LEO1: variants seen among roughly 807,000 people sequenced by gnomAD.
The protein encoded by LEO1 is LEO1 component of Paf1/RNA polymerase II complex.
In LEO1, 34 loss-of-function variants were observed where a neutral mutation model predicts 80.4. The observed-to-expected ratio is 0.42, with a 90% confidence interval of 0.32 to 0.56. LEO1 has a LOEUF of 0.56. Among genes scored for constraint, LEO1 ranks in the 20% least tolerant of loss-of-function variants. LEO1 has a pLI of 0.10. For synonymous variants in LEO1, 262 were observed against 274.9 expected (o/e 0.95, Z 0.46); for missense variants, 631 against 814.2 (o/e 0.77, Z 2.74).
Position 51,949,960 on chromosome 15 carries a change from C to T in LEO1, c.1646G>A (p.Arg549Lys). 6.2e-7 allele frequency: 1 copy of T among 1,613,804 alleles called. No individual in the cohort carries two copies. Among genetic ancestry groups the T allele is most frequent in the African/African-American group, 1.3e-5 (1 of 75,042 alleles). ...TCTCATTCGGCGCTGCTGAGATTCC[C>T]TACGTATGGAAGCCCTCAAACGTTC... Reference protein sequence around the residue: ...EEERLRASIRRESQQRRMREK... With the variant: ...EEERLRASIRKESQQRRMREK... The change falls in exon 10 of 12, where the codon AGG becomes AAG. Residue 549 changes from arginine to lysine, a missense_variant. Physicochemically the swap from Arg to Lys is conservative, Grantham distance 26. Around this residue, in one of 4 missense-constraint regions of LEO1, gnomAD observed 117 missense variants for 163.5 expected, o/e 0.72. Transcript: ENST00000299601.
intron 10 of LEO1, among the ~76,000 whole-genome samples, chr15:51,948,513 A>T (rs1268475747): frequency 6.6e-6 from 1 of 152,234 alleles, no homozygotes; most frequent in Non-Finnish European, 1.5e-5. Context: ...GACCAAATGC[A>T]GTCACTATAA....
chr15:51,970,641 A>G (rs534241918), intron 1 of LEO1, among the ~76,000 whole-genome samples: 4 of 152,376 alleles, frequency 2.6e-5, no homozygotes, highest in South Asian at 4.1e-4. Flanking sequence ...CCCAGAACAG[A>G]TAAGTACAGA....
chr15:51,942,368 T>C (rs1403923050), intron 11 of LEO1, among the ~76,000 whole-genome samples: 1 of 151,886 alleles, frequency 6.6e-6, no homozygotes, highest in Non-Finnish European at 1.5e-5. Context: ...AGTCAGGCAG[T>C]GTAGGTTTGC....
At chr15:51,968,207 T>C (rs1213336094) in intron 1 of LEO1, among the ~76,000 whole-genome samples, 1 of 151,540 alleles carries the variant, frequency 6.6e-6, no homozygotes, top group African/African-American at 2.4e-5. Flanking sequence ...ATACATAATA[T>C]TGCTAAGTTA....
In LEO1 at chr15:51,962,486, T is replaced by A; in HGVS notation, c.822A>T (p.Ala274=). Residue 274 remains alanine, a synonymous_variant, in exon 3 of 12, where the codon GCA becomes GCT. Transcript: ENST00000299601. ...CTTCATCTTCACTATCACTGCCTCT[T>A]GCAGATTCTATAAGGGTAGAATTAG... ...EEEQDHKSES[A]RGSDSEDEVL... is the part of the protein sequence containing the mutation. The A allele has an allele frequency of 6.2e-7, 1 of 1,608,272 alleles. No homozygotes were observed. The highest frequency in any genetic ancestry group is 2.2e-5 in the East Asian group (1 of 44,842).
intron 1 of LEO1, among the ~76,000 whole-genome samples, chr15:51,967,320 A>G (rs2057085903): frequency 2.0e-5 from 3 of 152,142 alleles, no homozygotes. Context: ...TAAAAATACA[A>G]AAGTTAGCCA....
intron 6 of LEO1, 31 bp from the exon 7 acceptor site, chr15:51,954,606 T>C (rs749690822): frequency 6.9e-7 from 1 of 1,449,268 alleles, no homozygotes; most frequent in Non-Finnish European, 9.7e-7. Flanking sequence ...TTTAGAAAAT[T>C]ATAGTTTAAA....
rs759205191 is a variant in LEO1, at chr15:51,954,505, C to T, written c.1316G>A (p.Arg439Gln). The T allele has an allele frequency of 1.9e-5, 31 of 1,613,262 alleles. No individual in the cohort carries two copies. The highest frequency in any genetic ancestry group is 3.3e-5 in the South Asian group (3 of 91,064). Residue 439 changes from arginine (R) to glutamine (Q), a missense_variant, in exon 7 of 12, where the codon CGG becomes CAG. Around this residue, in one of 4 missense-constraint regions of LEO1, gnomAD observed 95 missense variants for 171.7 expected, o/e 0.55. Coordinates refer to ENST00000299601, the MANE Select transcript of LEO1 (RefSeq NM_138792.4). Reference sequence around the variant, plus strand: ...CCTTCCATCTGACCACTTGACTATCCGAGCATTGCTTTCTTTAATTTCATT... The same window carrying T: ...CCTTCCATCTGACCACTTGACTATCTGAGCATTGCTTTCTTTAATTTCATT... ...EGNEIKESNA[R>Q]IVKWSDGSMS...
At chr15:51,960,226 A>T (rs991228858) in intron 4 of LEO1, among the ~76,000 whole-genome samples, 182 bp from the exon 5 acceptor site, 2 of 152,202 alleles carry the variant, frequency 1.3e-5, no homozygotes, top group African/African-American at 2.4e-5. Flanking sequence ...CAATTTGGAT[A>T]CCTCAGTACA....
At chr15:51,940,254 C>CAA (rs745641318) in intron 11 of LEO1, among the ~76,000 whole-genome samples, 99 of 37,910 alleles carry the variant, frequency 2.6e-3, no homozygotes, top group Non-Finnish European at 3.5e-3. Context: ...GACTCCGTAT[C>CAA]AAAAAAAAAA....
At chr15:51,953,465 A>T (rs1350770513) in intron 7 of LEO1, among the ~76,000 whole-genome samples, 3 of 152,098 alleles carry the variant, frequency 2.0e-5, no homozygotes, top group African/African-American at 7.2e-5. Flanking sequence ...TGGTAAAAAT[A>T]CAAAAATCAG....
intron 11 of LEO1, among the ~76,000 whole-genome samples, chr15:51,945,227 G>A (rs1367104293): frequency 1.5e-5 from 2 of 132,614 alleles, no homozygotes; most frequent in Non-Finnish European, 3.1e-5. Flanking sequence ...GACCAGCCTG[G>A]GCAACATGCT....
At chr15:51,940,798 TAATAA>T (rs1230337529) in intron 11 of LEO1, among the ~76,000 whole-genome samples, 2 of 151,804 alleles carry the variant, frequency 1.3e-5, no homozygotes, top group African/African-American at 2.4e-5. Context: ...AAAAAATTTT[TAATAA>T]AATAAATAAT....
At chr15:51,961,070 T>C (rs2057026225) in intron 3 of LEO1, among the ~76,000 whole-genome samples, 1 of 152,172 alleles carries the variant, frequency 6.6e-6, no homozygotes, top group African/African-American at 2.4e-5. Context: ...ACACCCATTT[T>C]CCATAAGTCT....
chr15:51,956,276 C>T lies in LEO1; in HGVS notation c.1246-1701G>A, dbSNP rs372568459. 1.4e-4 allele frequency among the ~76,000 whole-genome samples: 22 copies of T among 152,080 alleles called. No individual in the cohort carries two copies. The East Asian group carries it at 3.9e-3, about 27-fold the overall frequency. The stretch of plus-strand genomic sequence containing the variant: ...CTGCTAAAAATATACAAAAATTACC[C>T]GGGCATGGTGGCATGTGCCTGTAAT... On this transcript the variant is annotated intron_variant, in intron 6 of 11. Coordinates refer to ENST00000299601, the MANE Select transcript of LEO1 (RefSeq NM_138792.4).
rs2056933130 is a variant in LEO1 at position 51,949,821 on chromosome 15, T to A, written c.1785A>T (p.Lys595Asn). 1.9e-6 allele frequency: 3 copies of A among 1,613,010 alleles called. No individual in the cohort carries two copies. The East Asian group carries it at 6.7e-5, about 36-fold the overall frequency. ...ISLAAIKNRY[K>N]GGIREERARI... ...TACACGACTCACCTCGAATGCCCCC[T>A]TTATATCGGTTTTTAATGGCAGCCA... Residue 595 changes from lysine to asparagine, a missense_variant, in exon 10 of 12, where the codon AAA becomes AAT. By Grantham distance (94) the Lys-to-Asn change is moderately conservative (BLOSUM62 0). This residue lies in a region of LEO1 where 117 missense variants were observed against 163.5 expected (regional missense o/e 0.72). Transcript: ENST00000299601.
rs543507959 is a variant in LEO1 at position 51,962,259 on chromosome 15, T to C, written c.919+130A>G. The C allele has an allele frequency of 3.9e-5, 21 of 538,614 alleles. No individual in the cohort carries two copies. The South Asian group carries it at 5.6e-4, about 14-fold the overall frequency. 33.4% of individuals were successfully genotyped at this position (538,614 alleles called of 1,614,324 possible). Reference sequence around the variant, plus strand: ...AGCTATATAACTTCTCTGAGTACACTGAGCGTATCCACACTCTTATTCTGT... The same window carrying C: ...AGCTATATAACTTCTCTGAGTACACCGAGCGTATCCACACTCTTATTCTGT... On this transcript the variant is annotated intron_variant, in intron 3 of 11. Transcript: ENST00000299601.
chr15:51,950,703 A>G (rs578179372), intron 9 of LEO1, among the ~76,000 whole-genome samples: 4 of 152,178 alleles, frequency 2.6e-5, no homozygotes, highest in East Asian at 3.9e-4. Flanking sequence ...TAGAAATTCT[A>G]TGGAACAGAT....
intron 6 of LEO1, chr15:51,954,836 G>A (rs1472280232): frequency 5.1e-6 from 2 of 392,026 alleles, no homozygotes; most frequent in African/African-American, 2.1e-5. Flanking sequence ...CATTTGAGCA[G>A]ATGGCAGATA....
Sources: gnomAD v4.1 joint callset for allele counts (sites outside exome capture counted in the v4.1 genomes callset) on GRCh38, gnomAD v4.1.1 for gene constraint, gnomAD v4.1.1 regional missense constraint, MANE v1.5 for transcripts, NCBI Gene and HGNC (gene_info 2026-07-23, HGNC 2026-07-21) for gene names.